Variants in MDFIC2 observed in about 807,000 individuals in gnomAD.
The protein encoded by MDFIC2 is myoD family inhibitor domain-containing protein 2.
chr3:70,293,576 C>T (rs974619552), intron 2 of MDFIC2, among the ~76,000 whole-genome samples: 1 of 151,984 alleles, frequency 6.6e-6, no homozygotes, highest in Non-Finnish European at 1.5e-5. Flanking sequence ...AACATCTGTG[C>T]CTTACTTGGG....
At chr3:70,235,701 G>A (rs1391035767) in intron 2 of MDFIC2, among the ~76,000 whole-genome samples, 2 of 152,122 alleles carry the variant, frequency 1.3e-5, no homozygotes, top group Non-Finnish European at 1.5e-5. Context: ...AAGGGTTCTG[G>A]TGGCAGACAA....
intron 2 of MDFIC2, among the ~76,000 whole-genome samples, chr3:70,257,786 G>A (rs1242471628): frequency 6.6e-6 from 1 of 152,144 alleles, no homozygotes; most frequent in Non-Finnish European, 1.5e-5. Flanking sequence ...CCCAGCAGCA[G>A]GCATGTGTAG....
At chr3:70,283,729 A>T (rs1698354324) in intron 2 of MDFIC2, 1 of 151,870 alleles carries the variant, frequency 6.6e-6, no homozygotes. Context: ...TCTTGATTTC[A>T]TACAGAGTAA....
chr3:70,229,334 T>G (rs1313605274), intron 2 of MDFIC2, among the ~76,000 whole-genome samples: 1 of 152,188 alleles, frequency 6.6e-6, no homozygotes, highest in East Asian at 1.9e-4. Context: ...TTCAGAATGA[T>G]CCTTATTTGC....
At chr3:70,266,700 C>A (rs1347395976) in intron 2 of MDFIC2, among the ~76,000 whole-genome samples, 2 of 152,162 alleles carry the variant, frequency 1.3e-5, no homozygotes, top group Admixed American at 6.5e-5. Context: ...TCTGCCTCCG[C>A]CTCCCAAAGT....
chr3:70,261,470 G>T (rs1701866583), intron 2 of MDFIC2, among the ~76,000 whole-genome samples: 1 of 152,168 alleles, frequency 6.6e-6, no homozygotes, highest in Non-Finnish European at 1.5e-5. Flanking sequence ...GGTTGTGTTT[G>T]TACTTTCCTT....
At chr3:70,267,225 A>C (rs1320261729) in intron 2 of MDFIC2, among the ~76,000 whole-genome samples, 2 of 152,036 alleles carry the variant, frequency 1.3e-5, no homozygotes, top group African/African-American at 4.8e-5. Flanking sequence ...AAGAAGTCTC[A>C]TTTTTACGAA....
At chr3:70,286,474 G>A (rs1370908923) in intron 2 of MDFIC2, among the ~76,000 whole-genome samples, 2 of 151,740 alleles carry the variant, frequency 1.3e-5, no homozygotes, top group African/African-American at 4.8e-5. Context: ...TTGTAGTATA[G>A]TTTGAAGTCA....
At chr3:70,260,179 T>C (rs1701852609) in intron 2 of MDFIC2, among the ~76,000 whole-genome samples, 1 of 152,170 alleles carries the variant, frequency 6.6e-6, no homozygotes, top group Admixed American at 6.5e-5. Flanking sequence ...CATCCTGCCC[T>C]CTTCCTAACT....
intron 2 of MDFIC2, among the ~76,000 whole-genome samples, chr3:70,303,521 C>T (rs1010967333): frequency 6.6e-6 from 1 of 152,130 alleles, no homozygotes; most frequent in African/African-American, 2.4e-5. Context: ...ACCTAGATTT[C>T]CCTTCTAGAT....
At chr3:70,273,090 T>C (rs1458372030) in intron 2 of MDFIC2, among the ~76,000 whole-genome samples, 2 of 152,204 alleles carry the variant, frequency 1.3e-5, no homozygotes, top group Non-Finnish European at 2.9e-5. Context: ...ACCCAAGTTT[T>C]GTCTGGGAAA....
rs532706881 is a variant in MDFIC2, at chr3:70,273,753, T to C, written c.88+38133A>G. Among the ~76,000 whole-genome samples the C allele has an allele frequency of 7.2e-5, 11 of 152,312 alleles. No homozygotes were observed. The East Asian group carries it at 2.1e-3, about 29-fold the overall frequency. Reference sequence around the variant, plus strand: ...TTTTAAAGAGTAGCTTTTTCAGATTTGTTTAGCAGTCAAATGTAGAAAGAG... The same window carrying C: ...TTTTAAAGAGTAGCTTTTTCAGATTCGTTTAGCAGTCAAATGTAGAAAGAG... On this transcript the variant is annotated intron_variant, in intron 2 of 3. Transcript: ENST00000567252.
intron 2 of MDFIC2, among the ~76,000 whole-genome samples, chr3:70,276,572 G>A (rs1702028742): frequency 6.6e-6 from 1 of 152,078 alleles, no homozygotes; most frequent in Admixed American, 6.6e-5. Context: ...TGTGCTTTGT[G>A]TTAGACACCT....
chr3:70,206,549 T>C lies in MDFIC2; in HGVS notation c.310+20A>G. 2 of 397,372 alleles carry C rather than the reference T, an allele frequency of 5.0e-6. No individual in the cohort carries two copies. The highest frequency in any genetic ancestry group is 8.9e-6 in the Non-Finnish European group (2 of 225,250). The allele number at this position is 397,372 out of a possible 1,614,324, so 24.6% of individuals were successfully genotyped here. A position where few individuals can be genotyped will look rare whatever the true frequency, so the allele number is the denominator to read the frequency against. On this transcript the variant is annotated intron_variant, in intron 3 of 3. Coordinates refer to ENST00000567252, the MANE Select transcript of MDFIC2 (RefSeq NM_001364677.1). Reference sequence around the variant, plus strand: ...GTTGGGAGCTTTATTTAGAGATGGGTTGAATTCTGAGAAACATACCATCAG... The same window carrying C: ...GTTGGGAGCTTTATTTAGAGATGGGCTGAATTCTGAGAAACATACCATCAG...
intron 2 of MDFIC2, among the ~76,000 whole-genome samples, chr3:70,240,582 T>A (rs576002658): frequency 6.6e-6 from 1 of 152,330 alleles, no homozygotes; most frequent in South Asian, 2.1e-4. Flanking sequence ...CACCAGACTG[T>A]CTGAAATAAT....
intron 3 of MDFIC2, among the ~76,000 whole-genome samples, chr3:70,199,484 A>G (rs1443451414): frequency 6.6e-6 from 1 of 152,130 alleles, no homozygotes; most frequent in Non-Finnish European, 1.5e-5. Flanking sequence ...TCTGTTTCTA[A>G]GTCAGTCCTT....
At chr3:70,291,831 A>G (rs897931159) in intron 2 of MDFIC2, 1 of 152,194 alleles carries the variant, frequency 6.6e-6, no homozygotes, top group South Asian at 2.1e-4. Context: ...TTCTTTCAAG[A>G]TGTGCTGTCT....
At chr3:70,214,062 G>A (rs142405047) in intron 2 of MDFIC2, among the ~76,000 whole-genome samples, 3 of 152,152 alleles carry the variant, frequency 2.0e-5, no homozygotes, top group East Asian at 1.9e-4. Context: ...AGGGATGAAG[G>A]CTTCTAAAAT....
chr3:70,273,502 C>T (rs1304052038), intron 2 of MDFIC2, among the ~76,000 whole-genome samples: 5 of 152,104 alleles, frequency 3.3e-5, no homozygotes, highest in African/African-American at 1.2e-4. Context: ...AAACAGTAAA[C>T]TCCAGATAAT....
Sources: allele counts gnomAD v4.1 joint callset (sites outside exome capture counted in the v4.1 genomes callset), GRCh38; gene constraint gnomAD v4.1.1; transcripts MANE v1.5; gene names NCBI Gene and HGNC (gene_info 2026-07-23, HGNC 2026-07-21).